ATRNL1: variants seen among roughly 807,000 people sequenced by gnomAD.
ATRNL1 encodes attractin like 1.
A neutral mutation model predicts 182.7 loss-of-function variants in ATRNL1; 95 were observed. The ratio of observed to expected loss-of-function variants is 0.52; its 90% confidence interval spans 0.44 to 0.62. The LOEUF (loss-of-function observed/expected upper bound fraction) is 0.62, where lower values mean the gene tolerates loss of function less well. Ranked by LOEUF, ATRNL1 falls within the 20% of genes least tolerant of loss-of-function variation. The pLI is 0.00. For missense variants in ATRNL1, 1,471 were observed against 1,679.5 expected, an observed-to-expected ratio of 0.88 and a Z score of 2.17; for synonymous variants, 576 against 568.3, an observed-to-expected ratio of 1.01 and a Z score of -0.19.
intron 19 of ATRNL1, among the ~76,000 whole-genome samples, chr10:115,392,618 T>C (rs2134273406): frequency 6.6e-6 from 1 of 152,308 alleles, no homozygotes; most frequent in South Asian, 2.1e-4. Flanking sequence ...TAGTCTTATG[T>C]GTGAAGAATA....
At chr10:115,287,880 C>G (rs1271579962) in intron 15 of ATRNL1, among the ~76,000 whole-genome samples, 2 of 151,300 alleles carry the variant, frequency 1.3e-5, no homozygotes, top group African/African-American at 4.9e-5. Context: ...CTCTTCCCAG[C>G]CTCTAGTACC....
intron 28 of ATRNL1, among the ~76,000 whole-genome samples, chr10:115,933,930 C>T (rs935453466): frequency 4.6e-5 from 7 of 152,136 alleles, no homozygotes; most frequent in African/African-American, 1.7e-4. Context: ...TGGCAGAGTG[C>T]TAGTTTTCCA....
At chr10:115,657,943 T>A in intron 26 of ATRNL1, among the ~76,000 whole-genome samples, 1 of 152,146 alleles carries the variant, frequency 6.6e-6, no homozygotes, top group Admixed American at 6.6e-5. Flanking sequence ...TAATTGTAAC[T>A]CTTTATGAAT....
chr10:115,180,184 T>A (rs555410031), intron 8 of ATRNL1, among the ~76,000 whole-genome samples: 1 of 152,114 alleles, frequency 6.6e-6, no homozygotes, highest in East Asian at 1.9e-4. Context: ...TTTAAAAAAA[T>A]TGTTGATTTT....
At chr10:115,097,561 G>A (rs182556790) in intron 1 of ATRNL1, among the ~76,000 whole-genome samples, 164 of 152,176 alleles carry the variant, frequency 1.1e-3, no homozygotes, top group Admixed American at 1.1e-3. Flanking sequence ...ATAATGTCAG[G>A]AATTAGGTTG....
chr10:115,826,962 A>C (rs1285447675), intron 27 of ATRNL1, among the ~76,000 whole-genome samples: 16 of 152,292 alleles, frequency 1.1e-4, no homozygotes, highest in South Asian at 8.3e-4. Flanking sequence ...AAGTTTCACC[A>C]GGGACCCATC....
intron 8 of ATRNL1, among the ~76,000 whole-genome samples, chr10:115,190,858 T>G (rs1382044218): frequency 6.6e-6 from 1 of 152,146 alleles, no homozygotes; most frequent in Non-Finnish European, 1.5e-5. Flanking sequence ...CCAGCCTCAC[T>G]TTATCCCCTG....
chr10:115,460,554 A>G (rs1298809026), intron 21 of ATRNL1, among the ~76,000 whole-genome samples: 1 of 152,068 alleles, frequency 6.6e-6, no homozygotes, highest in Non-Finnish European at 1.5e-5. Flanking sequence ...CCTGGCCTCC[A>G]TTACCTCCTT....
At chr10:115,839,765 G>A (rs1229000031) in intron 27 of ATRNL1, among the ~76,000 whole-genome samples, 2 of 152,160 alleles carry the variant, frequency 1.3e-5, no homozygotes, top group Non-Finnish European at 2.9e-5. Context: ...CTTCACCAGA[G>A]TGGGTACTGT....
rs533515465 is a variant in ATRNL1, at chr10:115,370,946, G to A, written c.3176-23713G>A. Among the ~76,000 whole-genome samples, 102 of 152,248 alleles carry A rather than the reference G, an allele frequency of 6.7e-4. No individual in the cohort carries two copies. The Middle Eastern group carries it at 0.017, about 25-fold the overall frequency. On this transcript the variant is annotated intron_variant, in intron 19 of 28. Transcript: ENST00000355044. ...GCCAGGCCCAGGGTCCCTCTGCTGT[G>A]TCCAGTCTAGGGACTTGGTTCCCTG...
At chr10:115,323,431 TCCCC>T (rs1854695255) in intron 18 of ATRNL1, among the ~76,000 whole-genome samples, 1 of 19,748 alleles carries the variant, frequency 5.1e-5, no homozygotes, top group Non-Finnish European at 1.2e-4. Flanking sequence ...TCCCCTCCCC[TCCCC>T]TCCCCTTCCC....
At chr10:115,640,984 G>C (rs1001805217) in intron 26 of ATRNL1, among the ~76,000 whole-genome samples, 4 of 152,002 alleles carry the variant, frequency 2.6e-5, no homozygotes, top group Admixed American at 6.6e-5. Context: ...TCAGTTTTCT[G>C]CATATGGCTA....
intron 8 of ATRNL1, among the ~76,000 whole-genome samples, chr10:115,177,903 G>GTTTTTTTTTTTTTTTTT (rs147613896): frequency 9.8e-6 from 1 of 102,060 alleles, no homozygotes. Flanking sequence ...TTGTTTTTTT[G>GTTTTTTTTTTTTTTTTT]TTTTTTTTGT....
chr10:115,194,655 T>A (rs1273124868), intron 8 of ATRNL1, among the ~76,000 whole-genome samples: 1 of 151,942 alleles, frequency 6.6e-6, no homozygotes, highest in African/African-American at 2.4e-5. Context: ...TTCTTCTATG[T>A]CTTTTGTTTG....
At chr10:115,901,743 G>GAAAA (rs562327427) in intron 28 of ATRNL1, among the ~76,000 whole-genome samples, 20 of 57,958 alleles carry the variant, frequency 3.5e-4, no homozygotes, top group East Asian at 7.5e-4. Context: ...GAACTGAGAA[G>GAAAA]AAAAAAAAAA....
intron 27 of ATRNL1, among the ~76,000 whole-genome samples, chr10:115,792,915 C>A (rs1949563872): frequency 6.6e-6 from 1 of 151,758 alleles, no homozygotes; most frequent in Non-Finnish European, 1.5e-5. Context: ...CTAGAGGGTA[C>A]CTAGCTTCAG....
intron 26 of ATRNL1, among the ~76,000 whole-genome samples, chr10:115,648,401 T>G (rs1859768768): frequency 6.6e-6 from 1 of 152,166 alleles, no homozygotes; most frequent in Non-Finnish European, 1.5e-5. Flanking sequence ...ATAGATTCAG[T>G]GCCATCCCCA....
At chr10:115,357,767 A>C (rs1300766751) in intron 19 of ATRNL1, among the ~76,000 whole-genome samples, 1 of 151,698 alleles carries the variant, frequency 6.6e-6, no homozygotes, top group Non-Finnish European at 1.5e-5. Context: ...TTTGCTTAAC[A>C]GTACAGCCTA....
chr10:115,192,599 A>G (rs920132592), intron 8 of ATRNL1, among the ~76,000 whole-genome samples: 3 of 152,008 alleles, frequency 2.0e-5, no homozygotes, highest in Non-Finnish European at 2.9e-5. Flanking sequence ...GGTTTCATAT[A>G]AATTTTAGGA....
Sources: allele counts gnomAD v4.1 joint callset (sites outside exome capture counted in the v4.1 genomes callset), GRCh38; gene constraint gnomAD v4.1.1; transcripts MANE v1.5; gene names NCBI Gene and HGNC (gene_info 2026-07-23, HGNC 2026-07-21).